Variants in CDC27 observed in about 807,000 individuals in gnomAD.
CDC27 encodes the protein cell division cycle protein 27 homolog.
CDC27 carries 27 observed loss-of-function variants against 109.7 expected under a neutral mutation model. The ratio of observed to expected loss-of-function variants is 0.25; its 90% CI spans 0.18 to 0.34. The LOEUF is 0.34. Ranked by LOEUF, CDC27 falls within the 10% of genes least tolerant of loss-of-function variation. The pLI, the probability that CDC27 is intolerant of heterozygous loss-of-function variation, is 1.00. For missense variants in CDC27, 579 were observed against 960.2 expected (o/e 0.60, Z 5.25); for synonymous variants, 266 against 333.9 (o/e 0.80, Z 2.22).
intron 15 of CDC27, among the ~76,000 whole-genome samples, chr17:47,130,445 T>C (rs919644117): frequency 2.0e-5 from 3 of 152,210 alleles, no homozygotes; most frequent in Non-Finnish European, 4.4e-5. Context: ...TGATCTCTAA[T>C]ACTGGGAAGC....
At chr17:47,132,741 TTTATTATTATTA>T (rs34229894) in intron 14 of CDC27, among the ~76,000 whole-genome samples, 10,356 of 125,040 alleles carry the variant, frequency 0.083, 466 homozygotes, top group African/African-American at 0.11. Flanking sequence ...ATTAAAGCAG[TTTATTATTATTA>T]TTATTATTAT....
chr17:47,161,519 G>A (rs2063497012), intron 4 of CDC27, among the ~76,000 whole-genome samples: 1 of 152,194 alleles, frequency 6.6e-6, no homozygotes, highest in Non-Finnish European at 1.5e-5. Context: ...GGGAGGCCAA[G>A]GCAGGTGGAT....
chr17:47,155,546 C>T (rs2063280002), intron 7 of CDC27, among the ~76,000 whole-genome samples: 1 of 152,118 alleles, frequency 6.6e-6, no homozygotes, highest in Admixed American at 6.5e-5. Flanking sequence ...ATGCCCAACC[C>T]ATTCTAGCAC....
intron 2 of CDC27, among the ~76,000 whole-genome samples, chr17:47,177,132 G>A (rs1005325817): frequency 7.2e-5 from 11 of 152,004 alleles, no homozygotes; most frequent in African/African-American, 2.4e-4. Flanking sequence ...ACGATTTTAC[G>A]GTCATTTAAA....
At chr17:47,181,491 G>T in intron 2 of CDC27, 71 bp downstream of exon 2, 1 of 800,656 alleles carries the variant, frequency 1.2e-6, no homozygotes, top group Non-Finnish European at 2.1e-6. Flanking sequence ...TCTTGTTACA[G>T]TGATAAAAAG....
Position 47,132,248 on chromosome 17 carries a change from G to T in CDC27, c.2031+9C>A. ...TTAATAGAGTATTAATGTTTAGAAA[G>T]CTACTTACTACTCCAATGTGGCAAA... On this transcript the variant is annotated intron_variant, in intron 15 of 18. Transcript: ENST00000066544. The T allele has an allele frequency of 7.8e-7, 1 of 1,283,082 alleles. No homozygotes were observed. The highest frequency in any genetic ancestry group is 1.1e-6 in the Non-Finnish European group (1 of 895,668). 79.5% of individuals were successfully genotyped at this position (1,283,082 alleles called of 1,614,324 possible).
chr17:47,139,594 G>T (rs2062732696), intron 12 of CDC27, among the ~76,000 whole-genome samples: 1 of 152,156 alleles, frequency 6.6e-6, no homozygotes. Context: ...AAAGATGATG[G>T]AAGAATGATT....
At chr17:47,176,399 T>TC (rs2064007248) in intron 2 of CDC27, among the ~76,000 whole-genome samples, 1 of 152,208 alleles carries the variant, frequency 6.6e-6, no homozygotes, top group South Asian at 2.1e-4. Flanking sequence ...TTTATTTACA[T>TC]CCTGCATTTC....
At chr17:47,175,879 G>C (rs1413879450) in intron 2 of CDC27, among the ~76,000 whole-genome samples, 1 of 152,156 alleles carries the variant, frequency 6.6e-6, no homozygotes, top group Non-Finnish European at 1.5e-5. Flanking sequence ...TAAGTAGTAT[G>C]ACATGTGGAT....
chr17:47,183,787 A>C (rs1461858843), intron 1 of CDC27, among the ~76,000 whole-genome samples: 1 of 152,152 alleles, frequency 6.6e-6, no homozygotes, highest in Non-Finnish European at 1.5e-5. Flanking sequence ...TGTGCTTTTA[A>C]AGCAGGTGCT....
chr17:47,165,515 T>C (rs1006347041), intron 4 of CDC27, among the ~76,000 whole-genome samples: 6 of 152,228 alleles, frequency 3.9e-5, no homozygotes, highest in Admixed American at 2.6e-4. Context: ...TATTTTCTAA[T>C]TGAACTGATT....
intron 4 of CDC27, among the ~76,000 whole-genome samples, chr17:47,164,903 A>G (rs1194280435): frequency 6.6e-6 from 1 of 152,172 alleles, no homozygotes. Context: ...TATAGAGAAT[A>G]TTATCACATT....
In CDC27 at chr17:47,180,252, T is replaced by C. The variant is rs1042113868; in HGVS notation, c.103+1310A>G. 5.3e-5 allele frequency among the ~76,000 whole-genome samples: 8 copies of C among 152,322 alleles called. No homozygotes were observed. In the South Asian group the frequency reaches 1.7e-3, roughly 32 times the overall value. ...AAGTGAATGGAGTAGATTAATCTAT[T>C]GTATAATCTTCTTTCTAAGCCTTCC... On this transcript the variant is annotated intron_variant, in intron 2 of 18. Transcript: ENST00000066544.
At chr17:47,134,635 C>T (rs1372824586) in intron 14 of CDC27, among the ~76,000 whole-genome samples, 1 of 152,060 alleles carries the variant, frequency 6.6e-6, no homozygotes, top group Non-Finnish European at 1.5e-5. Flanking sequence ...ATCACCACAC[C>T]CAGCTAATTT....
chr17:47,121,713 G>T (rs2061986754), intron 18 of CDC27, among the ~76,000 whole-genome samples: 1 of 150,666 alleles, frequency 6.6e-6, no homozygotes, highest in South Asian at 2.1e-4. Flanking sequence ...GATTACATAC[G>T]CAAGCCATCA....
intron 2 of CDC27, 152 bp from the exon 3 acceptor site, chr17:47,172,216 G>T: frequency 1.9e-6 from 1 of 538,738 alleles, no homozygotes; most frequent in Non-Finnish European, 3.1e-6. Flanking sequence ...GAATTATGGA[G>T]AAACGGTTTG....
intron 4 of CDC27, among the ~76,000 whole-genome samples, chr17:47,161,543 G>T (rs1342885452): frequency 6.6e-6 from 1 of 152,104 alleles, no homozygotes; most frequent in Admixed American, 6.5e-5. Context: ...TTGAGGTCAG[G>T]AGTTCGAGAC....
intron 4 of CDC27, chr17:47,159,564 A>G: frequency 4.1e-6 from 2 of 485,658 alleles, no homozygotes; most frequent in Middle Eastern, 5.5e-4. Context: ...TTGTTCCCCC[A>G]GTAGCCTCTG....
At chr17:47,129,614 A>G (rs1598401791) in intron 15 of CDC27, 93 bp from the exon 16 acceptor site, 2 of 813,552 alleles carry the variant, frequency 2.5e-6, no homozygotes, top group East Asian at 4.9e-5. Flanking sequence ...TAATCAAATT[A>G]TTAGAGATAA....
Sources: allele counts gnomAD v4.1 joint callset (sites outside exome capture counted in the v4.1 genomes callset), GRCh38; gene constraint gnomAD v4.1.1; transcripts MANE v1.5; gene names NCBI Gene and HGNC (gene_info 2026-07-23, HGNC 2026-07-21).